Variants in ERBB4 observed in about 807,000 individuals in gnomAD.
ERBB4 encodes erb-b2 receptor tyrosine kinase 4, also known as receptor tyrosine-protein kinase erbB-4.
In ERBB4, 42 loss-of-function variants were observed where a neutral mutation model predicts 158.0. That is an observed-to-expected ratio of 0.27 (90% CI 0.21 to 0.34). The LOEUF (loss-of-function observed/expected upper bound fraction) is 0.34. ERBB4 is among the 10% of genes least tolerant of loss of function. ERBB4 has a pLI of 1.00. For missense variants in ERBB4, 1,333 were observed against 1,624.1 expected, an observed-to-expected ratio of 0.82 and a Z score of 3.08; for synonymous variants, 583 against 558.7, an observed-to-expected ratio of 1.04 and a Z score of -0.61.
chr2:211,822,287 G>A lies in ERBB4; in HGVS notation c.422-34128C>T, dbSNP rs565866702. Among the ~76,000 whole-genome samples the A allele has an allele frequency of 2.6e-5, 4 of 151,898 alleles. No individual in the cohort carries two copies. In the South Asian group the frequency reaches 8.3e-4, roughly 32 times the overall value. On this transcript the variant is annotated intron_variant, in intron 3 of 27. Coordinates refer to ENST00000342788, the MANE Select transcript of ERBB4 (RefSeq NM_005235.3). Reference sequence around the variant, plus strand: ...AATATATAGTTTAAAATAGCTAGAAGGAGAATATTGAATGCTCCCTACACA... The same window carrying A: ...AATATATAGTTTAAAATAGCTAGAAAGAGAATATTGAATGCTCCCTACACA...
chr2:211,520,125 T>G (rs1275404425), intron 20 of ERBB4, among the ~76,000 whole-genome samples: 1 of 152,154 alleles, frequency 6.6e-6, no homozygotes, highest in Non-Finnish European at 1.5e-5. Flanking sequence ...TTTAGAATTT[T>G]TTTTGAAAGG....
At chr2:212,384,026 T>C (rs2106418630) in intron 1 of ERBB4, among the ~76,000 whole-genome samples, 1 of 151,774 alleles carries the variant, frequency 6.6e-6, no homozygotes, top group African/African-American at 2.4e-5. Flanking sequence ...GGCTAGTATA[T>C]ATTTTACCAG....
chr2:212,168,925 A>G (rs2125666932), intron 1 of ERBB4, among the ~76,000 whole-genome samples: 1 of 152,298 alleles, frequency 6.6e-6, no homozygotes, highest in Admixed American at 6.5e-5. Flanking sequence ...GAAGTACCTA[A>G]AGATTTTAGA....
chr2:212,035,960 A>G (rs527258698), intron 2 of ERBB4, among the ~76,000 whole-genome samples: 2 of 152,334 alleles, frequency 1.3e-5, no homozygotes, highest in African/African-American at 2.4e-5. Flanking sequence ...AGCATTTTTT[A>G]GTGATTGTAC....
intron 20 of ERBB4, among the ~76,000 whole-genome samples, chr2:211,452,744 AC>A (rs2064281118): frequency 6.6e-6 from 1 of 152,184 alleles, no homozygotes; most frequent in Non-Finnish European, 1.5e-5. Context: ...ATAGTATAGA[AC>A]CTTAATTACA....
intron 3 of ERBB4, among the ~76,000 whole-genome samples, chr2:211,865,049 T>A (rs920121731): frequency 2.0e-5 from 3 of 151,964 alleles, no homozygotes; most frequent in African/African-American, 7.3e-5. Context: ...TGACTATAAT[T>A]TCCTAGAAGT....
rs184645201 is a variant in ERBB4, at chr2:212,181,679, A to T, written c.83-56776T>A. 5.3e-5 allele frequency among the ~76,000 whole-genome samples: 8 copies of T among 151,900 alleles called. No homozygotes were observed. The East Asian group carries it at 1.5e-3, about 29-fold the overall frequency. ...ATAAAAAATAAGTCACAATTAATAA[A>T]AATCAAAACTAATATGTGCTACAAT... is the stretch of plus-strand genomic sequence containing the variant. On this transcript the variant is annotated intron_variant, in intron 1 of 27. Transcript: ENST00000342788.
At position 212,065,453 on chromosome 2, in the gene ERBB4, A is replaced by G. The variant is rs1398801441; in HGVS notation, c.234+59299T>C. Among the ~76,000 whole-genome samples the G allele has an allele frequency of 2.6e-5, 4 of 152,164 alleles. No homozygotes were observed. In the East Asian group the frequency reaches 5.8e-4, roughly 22 times the overall value. ...TTTAGTGTAAACAATAGTATTTATAATAGCTAACATATTGGATATGACAAA... is the reference window on the plus strand; with the variant it reads ...TTTAGTGTAAACAATAGTATTTATAGTAGCTAACATATTGGATATGACAAA... On this transcript the variant is annotated intron_variant, in intron 2 of 27. Transcript: ENST00000342788.
chr2:212,466,498 T>G (rs1688842337), intron 1 of ERBB4, among the ~76,000 whole-genome samples: 1 of 152,190 alleles, frequency 6.6e-6, no homozygotes, highest in East Asian at 1.9e-4. Flanking sequence ...ATGGGTCTCA[T>G]GAGATCTGGT....
Position 212,463,068 on chromosome 2 carries a change from G to A in ERBB4, c.82+75381C>T, listed in dbSNP as rs931723307. Reference sequence around the variant, plus strand: ...ATTGAAAAAGTTGATCTTATGTTAAGTATAGAGTAGAACAGTGGTTTGAAA... The same window carrying A: ...ATTGAAAAAGTTGATCTTATGTTAAATATAGAGTAGAACAGTGGTTTGAAA... On this transcript the variant is annotated intron_variant, in intron 1 of 27. Coordinates refer to ENST00000342788, the MANE Select transcript of ERBB4 (RefSeq NM_005235.3). Among the ~76,000 whole-genome samples, 62 of 152,066 alleles carry A rather than the reference G, an allele frequency of 4.1e-4. 1 individual carries two copies. Among genetic ancestry groups the A allele is most frequent in the African/African-American group, 1.4e-3 (57 of 41,424 alleles).
Position 211,420,515 on chromosome 2 carries a change from C to T in ERBB4, c.3061G>A (p.Glu1021Lys). ...TTGAAAGCCTGAGGGACCAAGTACT[C>T]CTCAGCATCCATCATATCTTCCAAA... Reference protein sequence around the residue: ...EDLEDMMDAEEYLVPQAFNIP... With the variant: ...EDLEDMMDAEKYLVPQAFNIP... Residue 1021 changes from glutamate to lysine, a missense_variant, in exon 25 of 28, where the codon GAG becomes AAG. Around this residue, in one of 5 missense-constraint regions of ERBB4, gnomAD observed 314 missense variants for 437.6 expected, o/e 0.72. Coordinates refer to ENST00000342788, the MANE Select transcript of ERBB4 (RefSeq NM_005235.3). The T allele has an allele frequency of 1.2e-6, 2 of 1,612,492 alleles. No individual in the cohort carries two copies. Among genetic ancestry groups the T allele is most frequent in the East Asian group, 2.2e-5 (1 of 44,822 alleles).
At chr2:211,564,120 G>A (rs1240235354) in intron 19 of ERBB4, among the ~76,000 whole-genome samples, 1 of 152,102 alleles carries the variant, frequency 6.6e-6, no homozygotes. Context: ...CAGAAAGGAG[G>A]CAATAAAGAT....
intron 2 of ERBB4, among the ~76,000 whole-genome samples, chr2:212,050,301 T>A (rs2077366517): frequency 6.6e-6 from 1 of 152,220 alleles, no homozygotes; most frequent in Non-Finnish European, 1.5e-5. Context: ...CCATAACCAC[T>A]TTCTGCAATG....
intron 20 of ERBB4, among the ~76,000 whole-genome samples, chr2:211,481,960 G>C (rs1212018266): frequency 7.2e-5 from 11 of 152,128 alleles, no homozygotes. Context: ...TGAGAAATAA[G>C]CCACAAGATT....
At chr2:212,231,137 T>C (rs771624167) in intron 1 of ERBB4, among the ~76,000 whole-genome samples, 2 of 152,156 alleles carry the variant, frequency 1.3e-5, no homozygotes, top group African/African-American at 2.4e-5. Context: ...AACTACTTTG[T>C]TGTTTCAGAA....
intron 1 of ERBB4, among the ~76,000 whole-genome samples, chr2:212,231,972 G>T (rs2083680262): frequency 6.6e-6 from 1 of 152,118 alleles, no homozygotes; most frequent in Non-Finnish European, 1.5e-5. Flanking sequence ...GACCCTGAAT[G>T]ATCTTAGACA....
At chr2:211,398,299 T>C (rs575661587) in intron 25 of ERBB4, among the ~76,000 whole-genome samples, 2 of 152,276 alleles carry the variant, frequency 1.3e-5, no homozygotes, top group South Asian at 4.1e-4. Context: ...ATTTCAGTTG[T>C]GGTTAAGGTG....
At chr2:211,686,018 G>C (rs994326141) in intron 12 of ERBB4, among the ~76,000 whole-genome samples, 1 of 152,020 alleles carries the variant, frequency 6.6e-6, no homozygotes, top group Admixed American at 6.5e-5. Flanking sequence ...GGTTTTTGTA[G>C]ATTTTTTGAA....
At chr2:211,684,899 G>C (rs933932692) in intron 12 of ERBB4, among the ~76,000 whole-genome samples, 1 of 152,174 alleles carries the variant, frequency 6.6e-6, no homozygotes, top group African/African-American at 2.4e-5. Flanking sequence ...TTCTCAGGGA[G>C]ACAAATTTGA....
Sources: gnomAD v4.1 joint callset for allele counts (sites outside exome capture counted in the v4.1 genomes callset) on GRCh38, gnomAD v4.1.1 for gene constraint, gnomAD v4.1.1 regional missense constraint, MANE v1.5 for transcripts, NCBI Gene and HGNC (gene_info 2026-07-23, HGNC 2026-07-21) for gene names.